Variants in PCSK5 observed in about 807,000 individuals in gnomAD.
The protein encoded by PCSK5 is prohormone convertase 5.
A neutral mutation model predicts 233.2 loss-of-function variants in PCSK5; 129 were observed. The observed-to-expected ratio is 0.55, with a 90% CI of 0.48 to 0.64. The LOEUF (loss-of-function observed/expected upper bound fraction) is 0.64. Ranked by LOEUF, PCSK5 falls within the 30% of genes least tolerant of loss-of-function variation. The pLI is 0.00. For missense variants in PCSK5, 2,076 were observed against 2,430.1 expected (o/e 0.85, Z 3.06); for synonymous variants, 825 against 879.2 (o/e 0.94, Z 1.09).
At chr9:76,111,515 A>T (rs1402145701) in intron 9 of PCSK5, among the ~76,000 whole-genome samples, 1 of 152,148 alleles carries the variant, frequency 6.6e-6, no homozygotes. Flanking sequence ...GGGAGAAACA[A>T]TTTTTTGTGA....
At position 76,310,702 on chromosome 9, in the gene PCSK5, C is replaced by G. The variant is rs1828840023; in HGVS notation, c.3735C>G (p.Gly1245=). 6.8e-6 allele frequency: 11 copies of G among 1,610,330 alleles called. No homozygotes were observed. The highest frequency in any genetic ancestry group is 9.3e-6 in the Non-Finnish European group (11 of 1,179,002). The change falls in exon 30 of 38, where the codon GGC becomes GGG. Residue 1245 remains glycine (G), a synonymous_variant. Coordinates refer to ENST00000674117, the MANE Select transcript of PCSK5 (RefSeq NM_001372043.1). ...AQACVSSCPQ[G]TWPSVRSGSC... is the part of the protein sequence containing the mutation. ...CCTGTGTTTCCTCCTGTCCCCAAGG[C>G]ACATGGCCTTCCGTAAGGAGTGGGA...
At chr9:76,301,617 C>G (rs895673119) in intron 27 of PCSK5, among the ~76,000 whole-genome samples, 6 of 152,140 alleles carry the variant, frequency 3.9e-5, no homozygotes. Context: ...CCAAGGCAGG[C>G]AGATCACGTC....
chr9:75,945,685 C>T (rs1824535330), intron 2 of PCSK5, among the ~76,000 whole-genome samples: 1 of 151,936 alleles, frequency 6.6e-6, no homozygotes, highest in Admixed American at 6.6e-5. Context: ...ATGATCTAGC[C>T]TCTTTCTACC....
chr9:76,299,100 G>A (rs1467911786), intron 27 of PCSK5, among the ~76,000 whole-genome samples: 1 of 152,158 alleles, frequency 6.6e-6, no homozygotes, highest in Non-Finnish European at 1.5e-5. Flanking sequence ...ATCAGAATGA[G>A]AATGACAACA....
intron 10 of PCSK5, among the ~76,000 whole-genome samples, chr9:76,146,980 C>T (rs1246385683): frequency 6.6e-6 from 1 of 152,152 alleles, no homozygotes; most frequent in Non-Finnish European, 1.5e-5. Flanking sequence ...AATTTCCCCT[C>T]AGCCTCTCAT....
At chr9:75,922,376 G>A (rs566891318) in intron 1 of PCSK5, among the ~76,000 whole-genome samples, 1 of 152,254 alleles carries the variant, frequency 6.6e-6, no homozygotes, top group East Asian at 1.9e-4. Context: ...CTTACCTGGA[G>A]TTGAGATGTG....
At chr9:75,983,868 T>C (rs1433087646) in intron 2 of PCSK5, among the ~76,000 whole-genome samples, 1 of 152,222 alleles carries the variant, frequency 6.6e-6, no homozygotes, top group African/African-American at 2.4e-5. Context: ...AATATGGTCT[T>C]TCCAGTCATA....
intron 19 of PCSK5, 71 bp downstream of exon 19, chr9:76,189,294 A>ATAAAG (rs1824254062): frequency 1.5e-5 from 21 of 1,361,994 alleles, no homozygotes; most frequent in Non-Finnish European, 2.1e-5. Context: ...TCATAAGAAA[A>ATAAAG]TAAGAAAACT....
At chr9:76,164,455 A>G (rs1176223911) in intron 12 of PCSK5, among the ~76,000 whole-genome samples, 8 of 152,240 alleles carry the variant, frequency 5.3e-5, no homozygotes, top group Non-Finnish European at 1.5e-5. Flanking sequence ...TACTTAGCAC[A>G]GTGCCTAGCA....
rs575033301 is a variant in PCSK5, at chr9:75,970,602, C to CT, written c.298-15523dup. 8.8e-3 allele frequency among the ~76,000 whole-genome samples: 1,337 copies of CT among 152,132 alleles called. 5 individuals are homozygous for CT. Among genetic ancestry groups the CT allele is most frequent in the Non-Finnish European group, 0.013 (905 of 67,968 alleles). On this transcript the variant is annotated intron_variant, in intron 2 of 37. Coordinates refer to ENST00000674117, the MANE Select transcript of PCSK5 (RefSeq NM_001372043.1). ...TGCCATTCTCTCTGCTATTTTCTTT[C>CT]TTTTTTTAAACTTTATTTTATTTAT...
rs1188221473 is a variant in PCSK5, at chr9:76,181,445, A to G, written c.2051A>G (p.Lys684Arg). 6.2e-7 allele frequency: 1 copy of G among 1,613,926 alleles called. No homozygotes were observed. Among genetic ancestry groups the G allele is most frequent in the Non-Finnish European group, 8.5e-7 (1 of 1,179,954 alleles). The change falls in exon 16 of 38, where the codon AAG becomes AGG. Residue 684 changes from lysine to arginine, a missense_variant. By Grantham distance (26) the Lys-to-Arg change is conservative. This residue lies in a region of PCSK5 where 1,510 missense variants were observed against 1,538.1 expected (regional missense o/e 0.98). Transcript: ENST00000674117. Reference sequence around the variant, plus strand: ...CCTGGCCACTACCACGCCGACAAGAAGCGCTGCAGGAAGTGTGCCCCCAAC... The same window carrying G: ...CCTGGCCACTACCACGCCGACAAGAGGCGCTGCAGGAAGTGTGCCCCCAAC... Reference protein sequence around the residue: ...CPPGHYHADKKRCRKCAPNCE... With the variant: ...CPPGHYHADKRRCRKCAPNCE...
At chr9:76,220,200 T>C (rs1825679861) in intron 20 of PCSK5, among the ~76,000 whole-genome samples, 1 of 152,192 alleles carries the variant, frequency 6.6e-6, no homozygotes, top group Non-Finnish European at 1.5e-5. Flanking sequence ...AATGAGAAGC[T>C]TTGTAAATTT....
chr9:76,192,670 CTA>C (rs2131251411), intron 20 of PCSK5, among the ~76,000 whole-genome samples: 1 of 151,726 alleles, frequency 6.6e-6, no homozygotes, highest in South Asian at 2.1e-4. Flanking sequence ...GAAAATTAAA[CTA>C]TTGTTCAATA....
chr9:76,321,156 C>T (rs1321244852), intron 30 of PCSK5, among the ~76,000 whole-genome samples: 1 of 152,098 alleles, frequency 6.6e-6, no homozygotes, highest in Non-Finnish European at 1.5e-5. Flanking sequence ...GGCAGGTTTA[C>T]CCTAAGCAGT....
Position 76,238,949 on chromosome 9 carries a change from A to T in PCSK5, c.2867-10A>T. 1 of 1,605,362 alleles carries T rather than the reference A, an allele frequency of 6.2e-7. No homozygotes were observed. Reference sequence around the variant, plus strand: ...TTTTCCCTCTTTTCGTTGCCCCTGTAACTGATCAGACAACTATGGCCGAGA... The same window carrying T: ...TTTTCCCTCTTTTCGTTGCCCCTGTTACTGATCAGACAACTATGGCCGAGA... On this transcript the variant is annotated splice_polypyrimidine_tract_variant and intron_variant, in intron 22 of 37. Transcript: ENST00000674117.
chr9:76,198,370 C>T (rs1302455050), intron 20 of PCSK5, among the ~76,000 whole-genome samples: 1 of 152,096 alleles, frequency 6.6e-6, no homozygotes, highest in Non-Finnish European at 1.5e-5. Flanking sequence ...TTTTAGAAAA[C>T]AGTACATTAT....
At chr9:76,041,532 A>T (rs745307284) in intron 5 of PCSK5, among the ~76,000 whole-genome samples, 26 of 152,108 alleles carry the variant, frequency 1.7e-4, no homozygotes, top group Non-Finnish European at 3.4e-4. Context: ...CTATGTCCAA[A>T]CTCTTTAAAT....
intron 3 of PCSK5, among the ~76,000 whole-genome samples, chr9:75,990,250 G>T (rs1231792629): frequency 6.6e-6 from 1 of 152,120 alleles, no homozygotes; most frequent in East Asian, 1.9e-4. Flanking sequence ...GTTAGCCTGG[G>T]CCCATTTCTG....
intron 3 of PCSK5, among the ~76,000 whole-genome samples, chr9:75,988,020 C>G (rs1826599007): frequency 6.6e-6 from 1 of 152,198 alleles, no homozygotes; most frequent in South Asian, 2.1e-4. Context: ...GGAGCCATGA[C>G]CAGGGCTTTA....
Sources: gnomAD v4.1 joint callset for allele counts (sites outside exome capture counted in the v4.1 genomes callset) on GRCh38, gnomAD v4.1.1 for gene constraint, gnomAD v4.1.1 regional missense constraint, MANE v1.5 for transcripts, NCBI Gene and HGNC (gene_info 2026-07-23, HGNC 2026-07-21) for gene names.